The following SLC24A2 variants were observed in gnomAD, a reference collection of about 807,000 sequenced individuals.
SLC24A2 encodes the protein solute carrier family 24 member 2.
SLC24A2 carries 36 observed loss-of-function variants against 62.0 expected under a neutral mutation model. That is an observed-to-expected ratio of 0.58 (90% CI 0.44 to 0.77). The LOEUF is 0.77. SLC24A2 is among the 30% of genes least tolerant of loss of function. The pLI, the probability that SLC24A2 is intolerant of heterozygous loss-of-function variation, is 0.00. For missense variants in SLC24A2, 846 were observed against 817.9 expected, an observed-to-expected ratio of 1.03 and a Z score of -0.42; for synonymous variants, 358 against 294.0, an observed-to-expected ratio of 1.22 and a Z score of -2.23.
chr9:19,973,143 G>A, the SLC24A2 span, among the ~76,000 whole-genome samples: 6 of 152,168 alleles, frequency 3.9e-5, no homozygotes, highest in Admixed American at 3.9e-4. Context: ...TTTGAGGCCA[G>A]CCTGGGCAAC....
At chr9:19,558,978 C>G (rs915108718) in intron 7 of SLC24A2, among the ~76,000 whole-genome samples, 1 of 152,150 alleles carries the variant, frequency 6.6e-6, no homozygotes, top group South Asian at 2.1e-4. Context: ...CAAAGACCCA[C>G]TTTTCATATG....
chr9:19,819,432 T>C, the SLC24A2 span, among the ~76,000 whole-genome samples: 1 of 151,998 alleles, frequency 6.6e-6, no homozygotes, highest in South Asian at 2.1e-4. Flanking sequence ...TGGGACAAAA[T>C]CTTCACAATC....
At chr9:19,637,156 A>C (rs1229006499) in intron 2 of SLC24A2, among the ~76,000 whole-genome samples, 2 of 152,182 alleles carry the variant, frequency 1.3e-5, no homozygotes, top group Non-Finnish European at 2.9e-5. Flanking sequence ...GTGCCACTGA[A>C]ATGGGTTCTG....
the SLC24A2 span, among the ~76,000 whole-genome samples, chr9:19,932,392 T>A: frequency 1.4e-4 from 21 of 152,198 alleles, no homozygotes; most frequent in African/African-American, 5.1e-4. Flanking sequence ...AATATCATAG[T>A]GAAATTTAGC....
intron 2 of SLC24A2, among the ~76,000 whole-genome samples, chr9:19,724,929 C>T (rs547211518): frequency 1.3e-5 from 2 of 152,102 alleles, no homozygotes; most frequent in Non-Finnish European, 2.9e-5. Flanking sequence ...ACCTCAAGCG[C>T]CAGTCAAATC....
At chr9:19,841,024 T>C in the SLC24A2 span, among the ~76,000 whole-genome samples, 1 of 152,180 alleles carries the variant, frequency 6.6e-6, no homozygotes, top group African/African-American at 2.4e-5. Context: ...ATAGTTTTTT[T>C]TTATGAACCA....
At position 19,607,212 on chromosome 9, in the gene SLC24A2, A is replaced by T. The variant is rs193118164; in HGVS notation, c.1079-9933T>A. On this transcript the variant is annotated intron_variant, in intron 4 of 10. Coordinates refer to ENST00000341998, the MANE Select transcript of SLC24A2 (RefSeq NM_020344.4). ...CTTTGGTAAATGAAAGTGCTTCTTC[A>T]CCTTCAGTGACTGCCCCCATCCTTT... is the stretch of plus-strand genomic sequence containing the variant. Among the ~76,000 whole-genome samples, 7 of 152,278 alleles carry T rather than the reference A, an allele frequency of 4.6e-5. No homozygotes were observed. The East Asian group carries it at 1.4e-3, about 29-fold the overall frequency.
chr9:19,888,269 A>G, the SLC24A2 span, among the ~76,000 whole-genome samples: 1 of 152,178 alleles, frequency 6.6e-6, no homozygotes, highest in South Asian at 2.1e-4. Flanking sequence ...TTTTAAGTCC[A>G]TTCCTAAGTA....
At chr9:20,093,782 T>C in the SLC24A2 span, among the ~76,000 whole-genome samples, 8 of 152,150 alleles carry the variant, frequency 5.3e-5, no homozygotes, top group South Asian at 4.1e-4. Flanking sequence ...TGGTGAGAAA[T>C]AATTTAACTG....
At chr9:19,887,539 A>T in the SLC24A2 span, among the ~76,000 whole-genome samples, 19 of 152,176 alleles carry the variant, frequency 1.2e-4, no homozygotes, top group Admixed American at 1.0e-3. Context: ...GTAATAAAAA[A>T]ATAAAAAAAT....
chr9:19,568,661 G>C (rs1835748397), intron 7 of SLC24A2, among the ~76,000 whole-genome samples: 1 of 152,210 alleles, frequency 6.6e-6, no homozygotes, highest in South Asian at 2.1e-4. Flanking sequence ...GCAGAGCTAG[G>C]ATTTGAATTC....
At chr9:20,026,645 A>G in the SLC24A2 span, among the ~76,000 whole-genome samples, 2 of 152,228 alleles carry the variant, frequency 1.3e-5, no homozygotes, top group Admixed American at 6.5e-5. Context: ...AATCAGACTT[A>G]TCTTATTCTT....
At chr9:20,166,482 G>A in the SLC24A2 span, among the ~76,000 whole-genome samples, 1 of 151,902 alleles carries the variant, frequency 6.6e-6, no homozygotes, top group South Asian at 2.1e-4. Flanking sequence ...AACAGAGGGA[G>A]AAGATCTCTG....
At chr9:19,854,427 C>G in the SLC24A2 span, among the ~76,000 whole-genome samples, 1 of 152,068 alleles carries the variant, frequency 6.6e-6, no homozygotes, top group Admixed American at 6.6e-5. Context: ...TTTACATGAG[C>G]ATTTGGTGCT....
chr9:19,892,266 G>A, the SLC24A2 span, among the ~76,000 whole-genome samples: 1 of 152,164 alleles, frequency 6.6e-6, no homozygotes, highest in East Asian at 1.9e-4. Context: ...GTAAAGTAGT[G>A]TCTGTCCCCT....
At chr9:19,993,421 C>A in the SLC24A2 span, among the ~76,000 whole-genome samples, 5 of 152,280 alleles carry the variant, frequency 3.3e-5, no homozygotes, top group South Asian at 1.0e-3. Flanking sequence ...AGAAAATGGG[C>A]TCATGGCTAT....
the SLC24A2 span, among the ~76,000 whole-genome samples, chr9:19,994,361 G>C: frequency 6.6e-6 from 1 of 152,144 alleles, no homozygotes; most frequent in Admixed American, 6.5e-5. Flanking sequence ...AATTACCCAT[G>C]CACACAATAA....
the SLC24A2 span, among the ~76,000 whole-genome samples, chr9:20,268,128 G>A: frequency 6.6e-6 from 1 of 152,192 alleles, no homozygotes; most frequent in Non-Finnish European, 1.5e-5. Flanking sequence ...GGCTTGAGAA[G>A]ATTAACACTG....
the SLC24A2 span, among the ~76,000 whole-genome samples, chr9:20,079,843 G>C: frequency 6.6e-6 from 1 of 151,972 alleles, no homozygotes; most frequent in African/African-American, 2.4e-5. Flanking sequence ...GAGACGATGG[G>C]GTTTTCTAGA....
Sources: gnomAD v4.1 joint callset for allele counts (sites outside exome capture counted in the v4.1 genomes callset) on GRCh38, gnomAD v4.1.1 for gene constraint, MANE v1.5 for transcripts, NCBI Gene and HGNC (gene_info 2026-07-23, HGNC 2026-07-21) for gene names.